MACROD2: variants seen among roughly 807,000 people sequenced by gnomAD.
MACROD2 encodes the protein ADP-ribose glycohydrolase MACROD2.
In MACROD2, 36 loss-of-function variants were observed where a neutral mutation model predicts 70.4. The observed-to-expected ratio is 0.51, with a 90% CI of 0.39 to 0.68. The LOEUF (loss-of-function observed/expected upper bound fraction) is 0.68. MACROD2 is among the 30% of genes least tolerant of loss of function. The probability of loss-of-function intolerance (pLI) is 0.00; values close to 1 mark genes in which losing one functional copy is unlikely to be tolerated. For synonymous variants in MACROD2, 172 were observed against 178.8 expected, an observed-to-expected ratio of 0.96 and a Z score of 0.30; for missense variants, 496 against 538.4, an observed-to-expected ratio of 0.92 and a Z score of 0.78.
At chr20:15,183,051 A>G (rs1051694181) in intron 5 of MACROD2, among the ~76,000 whole-genome samples, 2 of 152,078 alleles carry the variant, frequency 1.3e-5, no homozygotes, top group African/African-American at 4.8e-5. Flanking sequence ...CATTTCCACC[A>G]CCATCTATAG....
At chr20:15,489,305 G>T (rs1409023727) in intron 7 of MACROD2, among the ~76,000 whole-genome samples, 2 of 152,152 alleles carry the variant, frequency 1.3e-5, no homozygotes, top group Non-Finnish European at 2.9e-5. Context: ...ACTAATTCTA[G>T]AGGCCCTGCT....
intron 5 of MACROD2, among the ~76,000 whole-genome samples, chr20:14,821,767 C>T (rs1255841256): frequency 6.6e-6 from 1 of 151,966 alleles, no homozygotes; most frequent in East Asian, 1.9e-4. Flanking sequence ...CACTCAAGAC[C>T]ACTGGGAGCT....
chr20:15,222,776 A>T (rs563663016), intron 5 of MACROD2, among the ~76,000 whole-genome samples: 1 of 152,334 alleles, frequency 6.6e-6, no homozygotes, highest in South Asian at 2.1e-4. Flanking sequence ...AGAGCAACCT[A>T]TCTGTGCTCT....
intron 6 of MACROD2, among the ~76,000 whole-genome samples, chr20:15,241,065 TTGTG>T (rs1420196001): frequency 6.6e-6 from 1 of 152,196 alleles, no homozygotes; most frequent in African/African-American, 2.4e-5. Context: ...TTCTCTCTGT[TTGTG>T]TATGTTTGAA....
At chr20:15,381,201 G>T (rs2045639161) in intron 6 of MACROD2, among the ~76,000 whole-genome samples, 1 of 151,954 alleles carries the variant, frequency 6.6e-6, no homozygotes, top group Admixed American at 6.6e-5. Context: ...ATACATGTGT[G>T]TATCCATTAT....
intron 3 of MACROD2, among the ~76,000 whole-genome samples, chr20:14,408,476 G>A (rs1178121977): frequency 6.6e-6 from 1 of 152,054 alleles, no homozygotes; most frequent in Non-Finnish European, 1.5e-5. Context: ...ATTTCCCTTT[G>A]CCATCAATTC....
intron 8 of MACROD2, among the ~76,000 whole-genome samples, chr20:15,760,908 A>G (rs1355268116): frequency 6.6e-6 from 1 of 152,250 alleles, no homozygotes; most frequent in Admixed American, 6.5e-5. Flanking sequence ...GAAAAAACAA[A>G]AAGGCTAGAT....
intron 11 of MACROD2, among the ~76,000 whole-genome samples, chr20:15,933,563 G>T (rs1326425495): frequency 6.6e-6 from 1 of 152,152 alleles, no homozygotes; most frequent in Admixed American, 6.5e-5. Flanking sequence ...TCAATTTTCT[G>T]CCCTGTAACA....
At chr20:14,965,757 C>A (rs966419289) in intron 5 of MACROD2, among the ~76,000 whole-genome samples, 4 of 151,880 alleles carry the variant, frequency 2.6e-5, no homozygotes, top group African/African-American at 9.7e-5. Context: ...CGTGAGCCAC[C>A]GCACCTGGCC....
At chr20:15,749,863 T>C (rs1300626848) in intron 8 of MACROD2, among the ~76,000 whole-genome samples, 2 of 152,016 alleles carry the variant, frequency 1.3e-5, no homozygotes, top group Non-Finnish European at 2.9e-5. Context: ...CTCAAATGAT[T>C]AAAGGCTTAA....
At chr20:15,783,344 T>C (rs1317956474) in intron 8 of MACROD2, among the ~76,000 whole-genome samples, 4 of 152,138 alleles carry the variant, frequency 2.6e-5, no homozygotes. Context: ...CTTTACGTCA[T>C]GGTTTTTGTC....
chr20:14,981,120 T>C (rs1342402453), intron 5 of MACROD2, among the ~76,000 whole-genome samples: 2 of 151,906 alleles, frequency 1.3e-5, no homozygotes, highest in African/African-American at 2.4e-5. Flanking sequence ...CCATTTCTTA[T>C]AGCTTTTAGG....
intron 7 of MACROD2, among the ~76,000 whole-genome samples, chr20:15,479,430 G>A (rs991857833): frequency 2.0e-5 from 3 of 151,176 alleles, no homozygotes; most frequent in African/African-American, 4.9e-5. Flanking sequence ...CCGCCACTAC[G>A]CCCGGCTAAT....
intron 8 of MACROD2, among the ~76,000 whole-genome samples, chr20:15,768,434 A>C (rs1342022243): frequency 1.3e-5 from 2 of 152,194 alleles, no homozygotes; most frequent in African/African-American, 2.4e-5. Context: ...TGATATAAAA[A>C]GATAAAAATG....
chr20:14,825,755 A>G (rs1292460666), intron 5 of MACROD2, among the ~76,000 whole-genome samples: 1 of 152,140 alleles, frequency 6.6e-6, no homozygotes, highest in Non-Finnish European at 1.5e-5. Context: ...TGTTTTATTC[A>G]TGGCCTTCAC....
At chr20:14,576,051 T>A (rs758599166) in intron 4 of MACROD2, among the ~76,000 whole-genome samples, 1 of 152,172 alleles carries the variant, frequency 6.6e-6, no homozygotes, top group Non-Finnish European at 1.5e-5. Context: ...TGTAAAATAA[T>A]GATTTTTTCA....
intron 6 of MACROD2, among the ~76,000 whole-genome samples, chr20:15,418,056 T>A (rs1429426537): frequency 6.6e-6 from 1 of 152,174 alleles, no homozygotes; most frequent in South Asian, 2.1e-4. Flanking sequence ...GAATTCTGAG[T>A]CAAAGGATCG....
At chr20:14,893,329 G>C (rs2073787152) in intron 5 of MACROD2, 2 of 152,026 alleles carry the variant, frequency 1.3e-5, no homozygotes, top group African/African-American at 2.4e-5. Flanking sequence ...TGGAATTGCT[G>C]GGTCATATGG....
At chr20:16,014,009 T>A (rs534483851) in intron 15 of MACROD2, among the ~76,000 whole-genome samples, 1 of 152,370 alleles carries the variant, frequency 6.6e-6, no homozygotes, top group African/African-American at 2.4e-5. Context: ...ATTTAACTTC[T>A]GTAGGATCGG....
Sources: gnomAD v4.1 joint callset for allele counts (sites outside exome capture counted in the v4.1 genomes callset) on GRCh38, gnomAD v4.1.1 for gene constraint, MANE v1.5 for transcripts, NCBI Gene and HGNC (gene_info 2026-07-23, HGNC 2026-07-21) for gene names.